GALK2: variants seen among roughly 807,000 people sequenced by gnomAD.
The protein encoded by GALK2 is N-acetylgalactosamine kinase.
A neutral mutation model predicts 52.4 loss-of-function variants in GALK2; 36 were observed. The ratio of observed to expected loss-of-function variants is 0.69; its 90% CI spans 0.53 to 0.91. GALK2 has a LOEUF of 0.91. Among genes scored for constraint, GALK2 ranks in the 40% least tolerant of loss-of-function variants. The pLI is 0.00. For synonymous variants in GALK2, 176 were observed against 199.1 expected, an observed-to-expected ratio of 0.88 and a Z score of 0.98; for missense variants, 579 against 559.1, an observed-to-expected ratio of 1.04 and a Z score of -0.36.
intron 1 of GALK2, chr15:49,170,688 TC>T (rs1754000026): frequency 6.6e-6 from 1 of 151,950 alleles, no homozygotes; most frequent in East Asian, 2.0e-4. Flanking sequence ...CACACTGAAC[TC>T]CTCTCTTTGT....
At chr15:49,196,631 T>G (rs1253131507) in intron 1 of GALK2, among the ~76,000 whole-genome samples, 1 of 152,220 alleles carries the variant, frequency 6.6e-6, no homozygotes, top group Non-Finnish European at 1.5e-5. Flanking sequence ...AAAATTTACT[T>G]TATCAAGTTT....
intron 3 of GALK2, among the ~76,000 whole-genome samples, chr15:49,351,466 A>G (rs1377361851): frequency 1.3e-5 from 2 of 152,190 alleles, no homozygotes; most frequent in African/African-American, 4.8e-5. Flanking sequence ...TGTAATTCCC[A>G]TATAGTTTTT....
intron 1 of GALK2, chr15:49,193,804 G>A (rs1423415377): frequency 6.6e-6 from 1 of 150,872 alleles, no homozygotes; most frequent in Non-Finnish European, 1.5e-5. Flanking sequence ...CTCAGCTCAC[G>A]GCAACCTGTG....
chr15:49,205,087 C>A (rs537833432), intron 2 of GALK2, among the ~76,000 whole-genome samples: 1 of 152,210 alleles, frequency 6.6e-6, no homozygotes, highest in Non-Finnish European at 1.5e-5. Context: ...GTTTCTTTAT[C>A]TACTTGTTGA....
chr15:49,355,676 A>G (rs938223460), intron 3 of GALK2, among the ~76,000 whole-genome samples: 1 of 151,738 alleles, frequency 6.6e-6, no homozygotes, highest in South Asian at 2.1e-4. Context: ...GCAGGATATT[A>G]TCCAGGAGAA....
intron 5 of GALK2, among the ~76,000 whole-genome samples, chr15:49,265,524 C>T (rs183070110): frequency 6.6e-6 from 1 of 152,240 alleles, no homozygotes; most frequent in East Asian, 1.9e-4. Context: ...TTGCGCTTCC[C>T]GAGTGAGGCA....
intron 2 of GALK2, among the ~76,000 whole-genome samples, chr15:49,201,822 CTTT>C (rs1266563397): frequency 6.6e-6 from 1 of 152,080 alleles, no homozygotes; most frequent in African/African-American, 2.4e-5. Flanking sequence ...CCATTTGTAT[CTTT>C]TTTTCATTTA....
At chr15:49,319,518 G>T (rs1176264475) in intron 8 of GALK2, 86 bp from the exon 9 acceptor site, 22 of 1,073,286 alleles carry the variant, frequency 2.0e-5, no homozygotes, top group Non-Finnish European at 3.0e-5. Flanking sequence ...AAACAGAAAT[G>T]AAAGTCTTTA....
At chr15:49,267,103 G>A (rs1337286717) in intron 5 of GALK2, among the ~76,000 whole-genome samples, 1 of 152,302 alleles carries the variant, frequency 6.6e-6, no homozygotes. Context: ...TGGCAAAGCA[G>A]GCTTTCTTAA....
chr15:49,200,014 C>T (rs2087601209), intron 1 of GALK2, among the ~76,000 whole-genome samples: 1 of 151,996 alleles, frequency 6.6e-6, no homozygotes, highest in Non-Finnish European at 1.5e-5. Flanking sequence ...GTGTGGGTCT[C>T]TGTTTCTTAA....
At chr15:49,295,897 C>T (rs1178144885) in intron 8 of GALK2, among the ~76,000 whole-genome samples, 1 of 152,108 alleles carries the variant, frequency 6.6e-6, no homozygotes, top group Non-Finnish European at 1.5e-5. Context: ...CTGCATCTGC[C>T]TGTCTTCCTT....
chr15:49,271,126 G>A (rs2030509069), intron 5 of GALK2, among the ~76,000 whole-genome samples: 1 of 152,154 alleles, frequency 6.6e-6, no homozygotes. Flanking sequence ...GAAGGTTAGA[G>A]CCAAAATAAG....
At chr15:49,280,348 G>A (rs2032506530) in intron 5 of GALK2, among the ~76,000 whole-genome samples, 1 of 152,198 alleles carries the variant, frequency 6.6e-6, no homozygotes, top group African/African-American at 2.4e-5. Flanking sequence ...TGCTTGAATT[G>A]TTGACTAGTT....
At position 49,331,720 on chromosome 15, in the gene GALK2, C is replaced by T; in HGVS notation, c.*3561C>T. Reference sequence around the variant, plus strand: ...CATACATTGCTTATGAAATATTGTCCAGTCTATATAAAAGAAGCTAGAGAG... The same window carrying T: ...CATACATTGCTTATGAAATATTGTCTAGTCTATATAAAAGAAGCTAGAGAG... On this transcript the variant is annotated 3_prime_UTR_variant, in exon 10 of 10. Transcript: ENST00000560031. 2.0e-6 allele frequency: 2 copies of T among 1,024,642 alleles called. No individual in the cohort carries two copies. The highest frequency in any genetic ancestry group is 1.5e-6 in the Non-Finnish European group (1 of 646,632). 63.5% of individuals were successfully genotyped at this position (1,024,642 alleles called of 1,614,324 possible). A position where few individuals can be genotyped will look rare whatever the true frequency, so the allele number is the denominator to read the frequency against.
chr15:49,209,389 G>C (rs980194216), intron 2 of GALK2, among the ~76,000 whole-genome samples: 23 of 152,092 alleles, frequency 1.5e-4, no homozygotes, highest in African/African-American at 4.6e-4. Context: ...TGGTGAAATT[G>C]GGTATGCTTG....
At chr15:49,238,150 T>A (rs2090925630) in intron 4 of GALK2, among the ~76,000 whole-genome samples, 3 of 152,216 alleles carry the variant, frequency 2.0e-5, no homozygotes, top group African/African-American at 7.2e-5. Context: ...ATGAAATGCA[T>A]AATTAGGTAA....
intron 3 of GALK2, among the ~76,000 whole-genome samples, chr15:49,351,406 A>G (rs769694330): frequency 1.8e-4 from 27 of 152,230 alleles, no homozygotes; most frequent in Non-Finnish European, 8.8e-5. Flanking sequence ...CCAAGTCATG[A>G]CAGCAAATGA....
intron 5 of GALK2, among the ~76,000 whole-genome samples, chr15:49,251,108 A>T (rs1055530914): frequency 1.3e-5 from 2 of 152,208 alleles, no homozygotes; most frequent in African/African-American, 4.8e-5. Flanking sequence ...CTTGATACCA[A>T]ACCTGACAAG....
At chr15:49,228,917 A>G (rs1287017442) in intron 3 of GALK2, among the ~76,000 whole-genome samples, 1 of 151,358 alleles carries the variant, frequency 6.6e-6, no homozygotes, top group African/African-American at 2.4e-5. Context: ...CTGGTCTCAA[A>G]CTGCTGACCT....
Sources: allele counts gnomAD v4.1 joint callset (sites outside exome capture counted in the v4.1 genomes callset), GRCh38; gene constraint gnomAD v4.1.1; transcripts MANE v1.5; gene names NCBI Gene and HGNC (gene_info 2026-07-23, HGNC 2026-07-21).